The following NCALD variants were observed in gnomAD, a reference collection of about 807,000 sequenced individuals.
NCALD encodes the protein neurocalcin delta.
A neutral mutation model predicts 18.6 loss-of-function variants in NCALD; 10 were observed. That is an observed-to-expected ratio of 0.54 (90% confidence interval 0.33 to 0.91). NCALD has a LOEUF of 0.91. Among genes scored for constraint, NCALD ranks in the 40% least tolerant of loss-of-function variants. The pLI is 0.03. For synonymous variants in NCALD, 88 were observed against 87.4 expected, an observed-to-expected ratio of 1.01 and a Z score of -0.04; for missense variants, 184 against 247.6, an observed-to-expected ratio of 0.74 and a Z score of 1.72.
intron 2 of NCALD, among the ~76,000 whole-genome samples, chr8:102,018,774 C>T (rs1278802620): frequency 6.6e-6 from 1 of 152,080 alleles, no homozygotes; most frequent in Non-Finnish European, 1.5e-5. Context: ...ACACATAGTG[C>T]TATGGCAAAA....
chr8:101,694,436 G>C (rs1216183765), intron 2 of NCALD: 2 of 152,188 alleles, frequency 1.3e-5, no homozygotes, highest in African/African-American at 4.8e-5. Context: ...GTCAAAATAA[G>C]AATGAAAACA....
At chr8:101,922,010 C>T (rs1011545577) in intron 2 of NCALD, among the ~76,000 whole-genome samples, 1 of 151,362 alleles carries the variant, frequency 6.6e-6, no homozygotes, top group Admixed American at 6.6e-5. Flanking sequence ...GTGGCACAAT[C>T]TCAGCTCACT....
chr8:102,044,539 G>A (rs991437519), intron 1 of NCALD, among the ~76,000 whole-genome samples: 2 of 152,198 alleles, frequency 1.3e-5, no homozygotes, highest in South Asian at 4.1e-4. Context: ...AAGTTCACCA[G>A]TGTTTATTGA....
intron 4 of NCALD, among the ~76,000 whole-genome samples, chr8:101,858,380 A>G (rs77879555): frequency 7.7e-4 from 117 of 152,302 alleles, no homozygotes; most frequent in Non-Finnish European, 1.4e-3. Context: ...AATAAAGGTG[A>G]GAGGTGGAAC....
chr8:101,971,827 T>C (rs1586848746), intron 2 of NCALD, among the ~76,000 whole-genome samples: 1 of 152,194 alleles, frequency 6.6e-6, no homozygotes, highest in Non-Finnish European at 1.5e-5. Context: ...TTGACTCTAT[T>C]TTTATTTACC....
intron 2 of NCALD, among the ~76,000 whole-genome samples, chr8:101,695,333 G>A (rs1040246107): frequency 6.6e-6 from 1 of 152,162 alleles, no homozygotes. Flanking sequence ...TTTGGGGCTG[G>A]ATTGTTCCTT....
In NCALD at chr8:101,936,597, C is replaced by T. The variant is rs548902222; in HGVS notation, c.-156-20739G>A. 1.1e-4 allele frequency among the ~76,000 whole-genome samples: 17 copies of T among 152,244 alleles called. No homozygotes were observed. The Middle Eastern group carries it at 0.01, about 93-fold the overall frequency. The stretch of plus-strand genomic sequence containing the variant: ...AAAGTCAGGGTAGAGGTTCTTAACC[C>T]TATTAGATTTGCTAATATATTAGAA... On this transcript the variant is annotated intron_variant, in intron 2 of 6. Transcript: ENST00000311028.
chr8:102,059,841 G>A (rs1194627974), intron 1 of NCALD, among the ~76,000 whole-genome samples: 3 of 152,160 alleles, frequency 2.0e-5, no homozygotes, highest in African/African-American at 7.2e-5. Context: ...ATAGGGCTGT[G>A]GTTCTCCAAC....
In NCALD at chr8:101,738,320, G is replaced by C. The variant is rs137916157; in HGVS notation, c.-19-18672C>G. Among the ~76,000 whole-genome samples, 1,414 of 152,184 alleles carry C rather than the reference G, an allele frequency of 9.3e-3. 26 individuals are homozygous for C. Among genetic ancestry groups the C allele is most frequent in the African/African-American group, 0.032 (1,335 of 41,520 alleles). On this transcript the variant is annotated intron_variant, in intron 1 of 3. Transcript: ENST00000220931. ...GCACTTTGGGAGGCCAAGGTGGGTG[G>C]ATCACCTGAGGTCAAGAGTTCGAGA...
intron 4 of NCALD, chr8:101,872,504 TG>T: frequency 1.3e-6 from 1 of 746,836 alleles, no homozygotes; most frequent in South Asian, 1.4e-5. Flanking sequence ...ATGCCCTTCT[TG>T]TCTAAGATGT....
intron 2 of NCALD, among the ~76,000 whole-genome samples, chr8:102,013,372 A>C (rs558257297): frequency 6.6e-6 from 1 of 152,348 alleles, no homozygotes; most frequent in South Asian, 2.1e-4. Flanking sequence ...CACTGGTCCT[A>C]CTGCTAATCT....
At chr8:102,080,463 G>A (rs2132329624) in intron 1 of NCALD, among the ~76,000 whole-genome samples, 1 of 152,260 alleles carries the variant, frequency 6.6e-6, no homozygotes, top group African/African-American at 2.4e-5. Context: ...TGGCTCCTGG[G>A]CAAACTATTG....
At chr8:101,878,375 AAC>A (rs1816319395) in intron 4 of NCALD, among the ~76,000 whole-genome samples, 2 of 152,256 alleles carry the variant, frequency 1.3e-5, no homozygotes, top group Non-Finnish European at 2.9e-5. Context: ...CATTTTCAGA[AAC>A]ACAATTTCAG....
At chr8:101,752,250 C>T (rs1810690782) in intron 1 of NCALD, among the ~76,000 whole-genome samples, 1 of 152,124 alleles carries the variant, frequency 6.6e-6, no homozygotes, top group African/African-American at 2.4e-5. Flanking sequence ...ACATCTGCTT[C>T]TTTATTTCTA....
chr8:101,932,320 C>T (rs774996170), intron 2 of NCALD, among the ~76,000 whole-genome samples: 28 of 152,160 alleles, frequency 1.8e-4, no homozygotes, highest in Non-Finnish European at 2.9e-5. Context: ...CACCTCCTAA[C>T]CCCCAGATAC....
intron 2 of NCALD, among the ~76,000 whole-genome samples, chr8:101,951,679 T>C (rs1442824947): frequency 6.6e-6 from 1 of 152,246 alleles, no homozygotes; most frequent in Non-Finnish European, 1.5e-5. Context: ...CAAATGTTTC[T>C]TGAACAAATA....
intron 4 of NCALD, among the ~76,000 whole-genome samples, chr8:101,868,314 C>A (rs1815860687): frequency 6.6e-6 from 1 of 152,134 alleles, no homozygotes; most frequent in African/African-American, 2.4e-5. Flanking sequence ...TTCTCCTAAA[C>A]CCTGACAGCC....
chr8:101,899,654 T>G (rs973066353), intron 3 of NCALD, among the ~76,000 whole-genome samples: 10 of 151,970 alleles, frequency 6.6e-5, no homozygotes, highest in African/African-American at 2.4e-4. Context: ...GATTTTTTCT[T>G]TAGACTGTTT....
chr8:101,999,723 A>G (rs1445325791), intron 2 of NCALD, among the ~76,000 whole-genome samples: 1 of 152,204 alleles, frequency 6.6e-6, no homozygotes, highest in Non-Finnish European at 1.5e-5. Flanking sequence ...AATAAAAAAT[A>G]AAAGTAGGCT....
Sources: gnomAD v4.1 joint callset for allele counts (sites outside exome capture counted in the v4.1 genomes callset) on GRCh38, gnomAD v4.1.1 for gene constraint, MANE v1.5 for transcripts, NCBI Gene and HGNC (gene_info 2026-07-23, HGNC 2026-07-21) for gene names.